The following SHQ1 variants were observed in gnomAD, a reference collection of about 807,000 sequenced individuals.
The protein encoded by SHQ1 is protein SHQ1 homolog.
A neutral mutation model predicts 53.8 loss-of-function variants in SHQ1; 49 were observed. That is an observed-to-expected ratio of 0.91 (90% CI 0.72 to 1.16). SHQ1 has a LOEUF of 1.16. SHQ1 is among the 50% of genes most tolerant of loss of function. SHQ1 has a pLI of 0.00. For synonymous variants in SHQ1, 243 were observed against 251.0 expected, an observed-to-expected ratio of 0.97 and a Z score of 0.30; for missense variants, 738 against 683.1, an observed-to-expected ratio of 1.08 and a Z score of -0.90.
In SHQ1 at chr3:72,848,428, G is replaced by A. The variant is rs1708432279; in HGVS notation, c.-88C>T. 4.5e-6 allele frequency: 7 copies of A among 1,557,926 alleles called. No individual in the cohort carries two copies. Among genetic ancestry groups the A allele is most frequent in the African/African-American group, 2.7e-5 (2 of 73,168 alleles). ...AAACTCTCCAACTCCCCACGCGCAG[G>A]AACTCTCGGTGTGAGGGACGGAGCT... On this transcript the variant is annotated 5_prime_UTR_variant, in exon 1 of 11. Coordinates refer to ENST00000325599, the MANE Select transcript of SHQ1 (RefSeq NM_018130.3).
chr3:72,769,751 T>G (rs1106310), intron 10 of SHQ1, among the ~76,000 whole-genome samples: 1 of 151,976 alleles, frequency 6.6e-6, no homozygotes, highest in African/African-American at 2.4e-5. Context: ...CTACAACCAG[T>G]CTAAATGCTC....
At chr3:72,747,484 C>T (rs1290532413), downstream of SHQ1, among the ~76,000 whole-genome samples, 1 of 152,214 alleles carries the variant, frequency 6.6e-6, no homozygotes, top group Non-Finnish European at 1.5e-5. Context: ...AAGGTGAGAT[C>T]TACTGCTTTG....
At chr3:72,744,919 A>C (rs1705228974), downstream of SHQ1, among the ~76,000 whole-genome samples, 1 of 89,840 alleles carries the variant, frequency 1.1e-5, no homozygotes, top group Admixed American at 1.2e-4. Context: ...GTCATTTGAT[A>C]CATTGGGGGG....
intron 9 of SHQ1, among the ~76,000 whole-genome samples, chr3:72,797,500 C>T (rs1706661618): frequency 6.6e-6 from 1 of 152,044 alleles, no homozygotes; most frequent in Non-Finnish European, 1.5e-5. Context: ...AACTACACAG[C>T]CAAACCCTGA....
intron 10 of SHQ1, among the ~76,000 whole-genome samples, chr3:72,762,882 C>T (rs1440916547): frequency 1.3e-5 from 2 of 152,032 alleles, no homozygotes; most frequent in Non-Finnish European, 2.9e-5. Flanking sequence ...ACCATGTTGG[C>T]CAGGCTGCTC....
intron 9 of SHQ1, among the ~76,000 whole-genome samples, chr3:72,804,421 C>T (rs1706877673): frequency 6.6e-6 from 1 of 151,922 alleles, no homozygotes; most frequent in Non-Finnish European, 1.5e-5. Context: ...CCGGCACCAC[C>T]CCCCCACCCC....
At position 72,750,827 on chromosome 3, in the gene SHQ1, C is replaced by A. The variant is rs1705350602; in HGVS notation, c.1191G>T (p.Lys397Asn). ...CVWIQKVKSK[K>N]LAALAEALKE... is the part of the protein sequence containing the mutation. ...TTAAGGCTTCTGCAAGAGCTGCCAA[C>A]TTTTTGGATCTTGAAAACATTTTAA... The change falls in exon 11 of 11, where the codon AAG becomes AAT. Residue 397 changes from lysine (K) to asparagine (N), a missense_variant. By Grantham distance (94) the Lys-to-Asn change is moderately conservative. Transcript: ENST00000325599. 6.6e-7 allele frequency: 1 copy of A among 1,505,126 alleles called. No individual in the cohort carries two copies. The highest frequency in any genetic ancestry group is 8.9e-7 in the Non-Finnish European group (1 of 1,127,256). The allele number at this position is 1,505,126 out of a possible 1,614,324, so 93.2% of individuals were successfully genotyped here. A position where few individuals can be genotyped will look rare whatever the true frequency, so the allele number is the denominator to read the frequency against.
chr3:72,778,744 G>A (rs1706012154), intron 10 of SHQ1, among the ~76,000 whole-genome samples: 1 of 152,076 alleles, frequency 6.6e-6, no homozygotes, highest in African/African-American at 2.4e-5. Flanking sequence ...AAGAAAACTG[G>A]CCATTATCCA....
At chr3:72,836,701 A>C (rs1310809512) in intron 4 of SHQ1, among the ~76,000 whole-genome samples, 1 of 152,148 alleles carries the variant, frequency 6.6e-6, no homozygotes, top group Non-Finnish European at 1.5e-5. Flanking sequence ...ACTAAAAGCA[A>C]AGGTAGCTTG....
At position 72,750,515 on chromosome 3, in the gene SHQ1, G is replaced by A. The variant is rs1269983755; in HGVS notation, c.1503C>T (p.Ala501=). 1 of 1,614,154 alleles carries A rather than the reference G, an allele frequency of 6.2e-7. No homozygotes were observed. The highest frequency in any genetic ancestry group is 1.7e-5 in the Admixed American group (1 of 60,012). ...GTACTCCACCATCAACAATAAGAAAGGCACTGCTTTCTTCAAGAAAGGGAC... is the reference window on the plus strand; with the variant it reads ...GTACTCCACCATCAACAATAAGAAAAGCACTGCTTTCTTCAAGAAAGGGAC... ...LQGPFLEESS[A]FLIVDGGVRR... The change falls in exon 11 of 11, where the codon GCC becomes GCT. Residue 501 remains alanine, a synonymous_variant. Transcript: ENST00000325599.
At chr3:72,778,640 A>G (rs1179686098) in intron 10 of SHQ1, among the ~76,000 whole-genome samples, 1 of 152,196 alleles carries the variant, frequency 6.6e-6, no homozygotes, top group Non-Finnish European at 1.5e-5. Context: ...AACTCTACAA[A>G]CATTCAAAAA....
chr3:72,748,630 G>A (rs559856061), downstream of SHQ1, among the ~76,000 whole-genome samples: 22 of 152,258 alleles, frequency 1.4e-4, 2 homozygotes, highest in South Asian at 4.4e-3. Context: ...GGCAGATGTT[G>A]CAGTGAGCTG....
intron 4 of SHQ1, among the ~76,000 whole-genome samples, chr3:72,832,954 C>A (rs779717127): frequency 3.1e-4 from 47 of 152,256 alleles, no homozygotes; most frequent in Admixed American, 1.0e-3. Flanking sequence ...ATCCCTTATA[C>A]AAAATGCTTG....
intron 9 of SHQ1, among the ~76,000 whole-genome samples, chr3:72,797,137 A>G (rs1706650798): frequency 2.0e-5 from 3 of 152,078 alleles, no homozygotes; most frequent in African/African-American, 7.2e-5. Context: ...AGGTGCCTGT[A>G]GCCCCAGCTA....
intron 10 of SHQ1, among the ~76,000 whole-genome samples, chr3:72,791,153 T>C (rs1025103123): frequency 6.6e-6 from 1 of 152,160 alleles, no homozygotes; most frequent in Non-Finnish European, 1.5e-5. Flanking sequence ...TACCTCAATA[T>C]TCATTACATG....
chr3:72,780,234 C>G (rs977040166), intron 10 of SHQ1, among the ~76,000 whole-genome samples: 1 of 152,160 alleles, frequency 6.6e-6, no homozygotes, highest in Non-Finnish European at 1.5e-5. Context: ...AGCTTCACAA[C>G]TAGAATTGTG....
the SHQ1 span, among the ~76,000 whole-genome samples, chr3:72,737,132 G>A: frequency 6.6e-6 from 1 of 151,788 alleles, no homozygotes; most frequent in Admixed American, 6.6e-5. Flanking sequence ...AAAAATATTA[G>A]CCGGGTGTGC....
chr3:72,739,671 T>C, the SHQ1 span, among the ~76,000 whole-genome samples: 4 of 152,140 alleles, frequency 2.6e-5, no homozygotes, highest in South Asian at 8.3e-4. Context: ...ACTCAGAGAG[T>C]AGCTCAGAAA....
At chr3:72,797,834 T>C (rs890010891) in intron 9 of SHQ1, among the ~76,000 whole-genome samples, 10 of 152,264 alleles carry the variant, frequency 6.6e-5, no homozygotes, top group Non-Finnish European at 1.2e-4. Context: ...GTTCCGACTA[T>C]GTCACCGTAG....
Sources: gnomAD v4.1 joint callset for allele counts (sites outside exome capture counted in the v4.1 genomes callset) on GRCh38, gnomAD v4.1.1 for gene constraint, MANE v1.5 for transcripts, NCBI Gene and HGNC (gene_info 2026-07-23, HGNC 2026-07-21) for gene names.